The following NRAP variants were observed in gnomAD, a reference collection of about 807,000 sequenced individuals.
The protein encoded by NRAP is nebulin related anchoring protein.
NRAP carries 189 observed loss-of-function variants against 225.9 expected under a neutral mutation model. The observed-to-expected ratio is 0.84, with a 90% CI of 0.74 to 0.94. The LOEUF (loss-of-function observed/expected upper bound fraction) is 0.94. Among genes scored for constraint, NRAP ranks in the 40% least tolerant of loss-of-function variants. The pLI, the probability that NRAP is intolerant of heterozygous loss-of-function variation, is 0.00. For missense variants in NRAP, 2,176 were observed against 2,168.7 expected (o/e 1.00, Z -0.07); for synonymous variants, 769 against 790.7 (o/e 0.97, Z 0.46).
chr10:113,620,550 G>T, intron 25 of NRAP, 54 bp downstream of exon 25: 1 of 1,139,638 alleles, frequency 8.8e-7, no homozygotes. Flanking sequence ...TTTATACAGA[G>T]ACGCCGCACG....
chr10:113,646,906 A>G lies in NRAP; in HGVS notation c.993+17T>C. 1.9e-6 allele frequency: 3 copies of G among 1,559,428 alleles called. No homozygotes were observed. The highest frequency in any genetic ancestry group is 2.7e-6 in the Non-Finnish European group (3 of 1,130,080). On this transcript the variant is annotated intron_variant, in intron 10 of 41. Transcript: ENST00000359988. ...TCTCTGCCTCTGGCTCTGTGGTCAC[A>G]CCTACATGGTACTTACGTCACTAGC...
chr10:113,644,897 T>C (rs1275956564), intron 11 of NRAP, among the ~76,000 whole-genome samples: 1 of 152,208 alleles, frequency 6.6e-6, no homozygotes, highest in Non-Finnish European at 1.5e-5. Flanking sequence ...CCAAGTCAAA[T>C]GCCTTCAGAG....
At position 113,590,684 on chromosome 10, in the gene NRAP, T is replaced by C; in HGVS notation, c.4850A>G (p.Gln1617Arg). The stretch of plus-strand genomic sequence containing the variant: ...CCTGTAGTGCACATCACTGGCCAGC[T>C]GCTGGCTCCTCTTGGCCTGAAGGAG... ...PGLLQAKRSQ[Q>R]LASDVHYRQP... The change falls in exon 40 of 42, where the codon CAG becomes CGG. Residue 1617 changes from glutamine to arginine, a missense_variant. This residue lies in a region of NRAP where 445 missense variants were observed against 426.1 expected (regional missense o/e 1.04). Coordinates refer to ENST00000359988, the MANE Select transcript of NRAP (RefSeq NM_198060.4). 1 of 1,614,218 alleles carries C rather than the reference T, an allele frequency of 6.2e-7. No individual in the cohort carries two copies. Among genetic ancestry groups the C allele is most frequent in the Non-Finnish European group, 8.5e-7 (1 of 1,180,034 alleles).
At chr10:113,644,040 CAGGAGGCTG>C (rs912001787) in intron 11 of NRAP, among the ~76,000 whole-genome samples, 1 of 145,350 alleles carries the variant, frequency 6.9e-6, no homozygotes, top group South Asian at 2.2e-4. Flanking sequence ...CCCAGCTACT[CAGGAGGCTG>C]AGGAAGGGGA....
Position 113,651,851 on chromosome 10 carries a change from A to G in NRAP, c.627T>C (p.Asp209=). 3 of 1,613,608 alleles carry G rather than the reference A, an allele frequency of 1.9e-6. No homozygotes were observed. The highest frequency in any genetic ancestry group is 2.5e-6 in the Non-Finnish European group (3 of 1,179,564). Residue 209 remains aspartate (D), a synonymous_variant, in exon 7 of 42, where the codon GAT becomes GAC. Transcript: ENST00000359988. ...ERISRFSTVV[D]TPELLRSKAG... ...CCTTGCTCCGTAGCAGCTCAGGAGT[A>G]TCCACCACCGTGGAGAACCTGGAGA... is the stretch of plus-strand genomic sequence containing the variant.
chr10:113,654,204 A>G, intron 4 of NRAP, 79 bp from the exon 5 acceptor site: 1 of 832,238 alleles, frequency 1.2e-6, no homozygotes. Context: ...TCAAAAGAAG[A>G]TATTCTTAAA....
chr10:113,648,096 C>G (rs1849689883), intron 9 of NRAP, among the ~76,000 whole-genome samples: 1 of 152,154 alleles, frequency 6.6e-6, no homozygotes, highest in South Asian at 2.1e-4. Context: ...TCTGAAACAG[C>G]CCATATGGTG....
intron 25 of NRAP, 76 bp from the exon 26 acceptor site, chr10:113,617,629 T>C (rs1847748105): frequency 2.3e-6 from 2 of 864,274 alleles, no homozygotes; most frequent in Non-Finnish European, 4.0e-6. Context: ...AAATCATAGG[T>C]TGCTTGAGAT....
rs75970980 is a variant in NRAP, at chr10:113,645,212, G to T, written c.1110+613C>A. Reference sequence around the variant, plus strand: ...TTTGTTTAAAAAGATGGATCCTCCAGTATTCTTTCTGGCAACTAGAAGCCT... The same window carrying T: ...TTTGTTTAAAAAGATGGATCCTCCATTATTCTTTCTGGCAACTAGAAGCCT... On this transcript the variant is annotated intron_variant, in intron 11 of 41. Transcript: ENST00000359988. Among the ~76,000 whole-genome samples the T allele has an allele frequency of 4.8e-3, 729 of 152,302 alleles. 7 individuals are homozygous for T. Among genetic ancestry groups the T allele is most frequent in the African/African-American group, 0.017 (695 of 41,564 alleles).
At chr10:113,593,754 C>A (rs1390928206) in intron 38 of NRAP, among the ~76,000 whole-genome samples, 1 of 152,174 alleles carries the variant, frequency 6.6e-6, no homozygotes, top group East Asian at 1.9e-4. Flanking sequence ...GAGTCAAAAC[C>A]CTGATCACTC....
intron 38 of NRAP, among the ~76,000 whole-genome samples, chr10:113,592,648 G>C (rs1422596669): frequency 1.3e-5 from 2 of 152,198 alleles, no homozygotes; most frequent in African/African-American, 4.8e-5. Flanking sequence ...GCAGCTTCTA[G>C]GTGCCAGAAT....
intron 30 of NRAP, among the ~76,000 whole-genome samples, chr10:113,611,800 T>C (rs965723122): frequency 6.6e-6 from 1 of 152,146 alleles, no homozygotes; most frequent in Non-Finnish European, 1.5e-5. Context: ...CCAGAGGCAA[T>C]ATCATTGGCA....
chr10:113,658,592 C>T (rs1177157991), intron 3 of NRAP, among the ~76,000 whole-genome samples: 1 of 152,098 alleles, frequency 6.6e-6, no homozygotes, highest in African/African-American at 2.4e-5. Flanking sequence ...CAGAAATCGG[C>T]AATTTTGGCC....
At chr10:113,623,287 C>T (rs2133991203) in intron 23 of NRAP, among the ~76,000 whole-genome samples, 1 of 152,330 alleles carries the variant, frequency 6.6e-6, no homozygotes, top group African/African-American at 2.4e-5. Context: ...GATTCTTACT[C>T]TTGCTACTAC....
In NRAP at chr10:113,615,748, G is replaced by A. The variant is rs940191506; in HGVS notation, c.3042C>T (p.Val1014=). The change falls in exon 27 of 42, where the codon GTC becomes GTT. Residue 1014 remains valine (V), a synonymous_variant. Coordinates refer to ENST00000359988, the MANE Select transcript of NRAP (RefSeq NM_198060.4). ...HYTPTADLPE[V]LLAKLNAMNI... ...TCATGGCATTCAGCTTGGCCAGCAG[G>A]ACTTCAGGGAGGTCAGCAGTCGGTG... The A allele has an allele frequency of 2.5e-6, 4 of 1,611,328 alleles. No individual in the cohort carries two copies. The highest frequency in any genetic ancestry group is 3.4e-6 in the Non-Finnish European group (4 of 1,177,602).
chr10:113,595,093 C>T (rs1300298727), intron 38 of NRAP, among the ~76,000 whole-genome samples: 1 of 152,212 alleles, frequency 6.6e-6, no homozygotes, highest in African/African-American at 2.4e-5. Flanking sequence ...TGGTTATGCA[C>T]GCAAAGGGCA....
At chr10:113,602,753 G>A (rs1239966393) in intron 35 of NRAP, among the ~76,000 whole-genome samples, 1 of 152,204 alleles carries the variant, frequency 6.6e-6, no homozygotes. Flanking sequence ...CGCAAGGAAC[G>A]TACTCAAACA....
intron 4 of NRAP, 105 bp downstream of exon 4, chr10:113,657,365 A>G: frequency 1.5e-6 from 1 of 668,960 alleles, no homozygotes; most frequent in South Asian, 1.8e-5. Flanking sequence ...ACTGGGTGAA[A>G]GGAAACCTAC....
intron 38 of NRAP, among the ~76,000 whole-genome samples, chr10:113,593,805 G>A (rs548464078): frequency 1.3e-4 from 20 of 152,308 alleles, no homozygotes; most frequent in South Asian, 1.2e-3. Flanking sequence ...AAGAATGCCC[G>A]CACCAGATCT....
Sources: allele counts gnomAD v4.1 joint callset (sites outside exome capture counted in the v4.1 genomes callset), GRCh38; gene constraint gnomAD v4.1.1; regional missense constraint gnomAD v4.1.1; transcripts MANE v1.5; gene names NCBI Gene and HGNC (gene_info 2026-07-23, HGNC 2026-07-21).